PSD3: variants seen among roughly 807,000 people sequenced by gnomAD.
The protein encoded by PSD3 is pleckstrin and Sec7 domain containing 3, also known as PH and SEC7 domain-containing protein 3.
PSD3 carries 49 observed loss-of-function variants against 105.5 expected under a neutral mutation model. That is an observed-to-expected ratio of 0.46 (90% CI 0.37 to 0.59). The LOEUF (loss-of-function observed/expected upper bound fraction) is 0.59, where lower values mean the gene tolerates loss of function less well. Among genes scored for constraint, PSD3 ranks in the 20% least tolerant of loss-of-function variants. The pLI is 0.00. For missense variants in PSD3, 1,561 were observed against 1,263.8 expected (o/e 1.24, Z -3.57); for synonymous variants, 557 against 457.8 (o/e 1.22, Z -2.77).
At chr8:18,814,138 A>G (rs1412471449) in intron 4 of PSD3, among the ~76,000 whole-genome samples, 1 of 152,164 alleles carries the variant, frequency 6.6e-6, no homozygotes, top group Non-Finnish European at 1.5e-5. Context: ...AACACACAAA[A>G]CCTAATTAGC....
chr8:18,607,751 A>G (rs1432801615), intron 11 of PSD3, among the ~76,000 whole-genome samples: 5 of 151,746 alleles, frequency 3.3e-5, no homozygotes, highest in Admixed American at 3.3e-4. Flanking sequence ...CATTGCTAAT[A>G]AAGATGTACC....
At chr8:18,581,983 G>C (rs1802846015) in intron 12 of PSD3, among the ~76,000 whole-genome samples, 1 of 152,150 alleles carries the variant, frequency 6.6e-6, no homozygotes, top group Admixed American at 6.5e-5. Flanking sequence ...AGCAAAACAA[G>C]AGCTCTGGAT....
intron 2 of PSD3, among the ~76,000 whole-genome samples, chr8:18,909,180 C>T (rs1820043281): frequency 6.6e-6 from 1 of 152,132 alleles, no homozygotes; most frequent in Non-Finnish European, 1.5e-5. Context: ...TTGAGCCATC[C>T]CTATTAATTT....
intron 4 of PSD3, among the ~76,000 whole-genome samples, chr8:18,835,234 C>T (rs528647655): frequency 6.6e-6 from 1 of 152,154 alleles, no homozygotes; most frequent in South Asian, 2.1e-4. Context: ...TAAACATACC[C>T]AAAAATTACT....
At chr8:18,553,013 G>C (rs958327104) in intron 15 of PSD3, among the ~76,000 whole-genome samples, 1 of 152,112 alleles carries the variant, frequency 6.6e-6, no homozygotes, top group Admixed American at 6.5e-5. Flanking sequence ...AGTTTGGACA[G>C]TTTCTAAGGC....
At chr8:18,664,998 A>C (rs1169825021) in intron 9 of PSD3, among the ~76,000 whole-genome samples, 1 of 152,230 alleles carries the variant, frequency 6.6e-6, no homozygotes, top group Non-Finnish European at 1.5e-5. Context: ...CTGGTCATTA[A>C]CAGAGCACCT....
chr8:18,724,690 G>A (rs1173510922), intron 9 of PSD3, among the ~76,000 whole-genome samples: 1 of 151,978 alleles, frequency 6.6e-6, no homozygotes, highest in Non-Finnish European at 1.5e-5. Flanking sequence ...GAAGTGTAGA[G>A]AGTTAATGTG....
In PSD3 at chr8:18,619,908, G is replaced by A. The variant is rs372126821; in HGVS notation, c.2410+12705C>T. ...GGGAAATTAACATCTTTGGAGAATC[G>A]CCATTGATGCAGCCAGGCCTTCCCT... is the stretch of plus-strand genomic sequence containing the variant. On this transcript the variant is annotated intron_variant, in intron 11 of 15. Transcript: ENST00000327040. Among the ~76,000 whole-genome samples, 11 of 152,236 alleles carry A rather than the reference G, an allele frequency of 7.2e-5. No homozygotes were observed. In the East Asian group the frequency reaches 1.2e-3, roughly 16 times the overall value.
chr8:18,822,205 C>A (rs910620704), intron 4 of PSD3, among the ~76,000 whole-genome samples: 3 of 152,068 alleles, frequency 2.0e-5, no homozygotes, highest in Non-Finnish European at 2.9e-5. Flanking sequence ...TTTTTTTCTA[C>A]ACAGAAACTT....
intron 9 of PSD3, among the ~76,000 whole-genome samples, chr8:18,666,552 C>T (rs928184528): frequency 2.6e-5 from 4 of 152,266 alleles, no homozygotes; most frequent in Middle Eastern, 6.8e-3. Context: ...GCTGGTTCAT[C>T]ATCAAAAAAC....
intron 1 of PSD3, among the ~76,000 whole-genome samples, chr8:19,043,017 C>G (rs17127682): frequency 0.044 from 6,680 of 152,194 alleles, 204 homozygotes; most frequent in East Asian, 0.12. Context: ...CCTCCTCTCC[C>G]CAATAATCTG....
At chr8:18,539,640 T>C (rs540231448) in intron 15 of PSD3, among the ~76,000 whole-genome samples, 1 of 150,550 alleles carries the variant, frequency 6.6e-6, no homozygotes, top group African/African-American at 2.5e-5. Context: ...CTCTGCCGAC[T>C]GGGTTCAAGC....
chr8:18,744,402 C>A (rs1804818610), intron 9 of PSD3, among the ~76,000 whole-genome samples: 1 of 152,208 alleles, frequency 6.6e-6, no homozygotes, highest in Non-Finnish European at 1.5e-5. Context: ...ACTTTGCCAT[C>A]CATACCACTA....
At chr8:18,982,540 A>C (rs116358793) in intron 1 of PSD3, among the ~76,000 whole-genome samples, 3,810 of 152,280 alleles carry the variant, frequency 0.025, 183 homozygotes, top group African/African-American at 0.088. Flanking sequence ...TATATTTCTT[A>C]AATAATAAGA....
chr8:18,828,046 TG>T (rs1223460080), intron 4 of PSD3, among the ~76,000 whole-genome samples: 1 of 115,170 alleles, frequency 8.7e-6, no homozygotes, highest in African/African-American at 3.9e-5. Context: ...AATATATATA[TG>T]TATATATATA....
chr8:18,865,946 G>A (rs1055889233), intron 4 of PSD3, among the ~76,000 whole-genome samples: 17 of 152,174 alleles, frequency 1.1e-4, no homozygotes, highest in Non-Finnish European at 1.5e-4. Context: ...CCTGTTCTAA[G>A]TGCACAAGCC....
intron 4 of PSD3, among the ~76,000 whole-genome samples, chr8:18,865,897 C>T (rs955044133): frequency 2.6e-5 from 4 of 152,308 alleles, no homozygotes; most frequent in African/African-American, 7.2e-5. Flanking sequence ...TGTCCATCCT[C>T]GTGACTGGCA....
intron 4 of PSD3, among the ~76,000 whole-genome samples, chr8:18,811,134 T>A (rs899970305): frequency 1.3e-5 from 2 of 152,212 alleles, no homozygotes; most frequent in African/African-American, 4.8e-5. Flanking sequence ...TAACAATGGT[T>A]AGGCATTTAC....
chr8:19,041,454 G>A (rs75380113), intron 1 of PSD3, among the ~76,000 whole-genome samples: 5,099 of 152,286 alleles, frequency 0.033, 278 homozygotes, highest in African/African-American at 0.11. Context: ...GTGAGAGAAT[G>A]TGTATGAAAA....
Sources: gnomAD v4.1 joint callset for allele counts (sites outside exome capture counted in the v4.1 genomes callset) on GRCh38, gnomAD v4.1.1 for gene constraint, MANE v1.5 for transcripts, NCBI Gene and HGNC (gene_info 2026-07-23, HGNC 2026-07-21) for gene names.